ATAD2B: variants seen among roughly 807,000 people sequenced by gnomAD.
ATAD2B encodes the protein ATPase family AAA domain-containing protein 2B.
A neutral mutation model predicts 167.6 loss-of-function variants in ATAD2B; 40 were observed. The observed-to-expected ratio is 0.24, with a 90% CI of 0.19 to 0.31. ATAD2B has a LOEUF of 0.31. Among genes scored for constraint, ATAD2B ranks in the 10% least tolerant of loss-of-function variants. The probability of loss-of-function intolerance (pLI) is 1.00; values close to 1 mark genes in which losing one functional copy is unlikely to be tolerated. For synonymous variants in ATAD2B, 579 were observed against 596.5 expected (o/e 0.97, Z 0.43); for missense variants, 1,242 against 1,757.2 (o/e 0.71, Z 5.24).
At chr2:23,701,461 C>G in the ATAD2B span, among the ~76,000 whole-genome samples, 1 of 152,136 alleles carries the variant, frequency 6.6e-6, no homozygotes, top group Admixed American at 6.5e-5. Flanking sequence ...ATCTGTAATC[C>G]CAGCACTTTA....
chr2:23,779,431 T>A (rs1416794587), intron 22 of ATAD2B, among the ~76,000 whole-genome samples: 2 of 152,026 alleles, frequency 1.3e-5, no homozygotes, highest in Non-Finnish European at 2.9e-5. Context: ...CACCTCGGCC[T>A]CCCAAAGTGC....
chr2:23,690,682 C>T, the ATAD2B span: 2 of 152,362 alleles, frequency 1.3e-5, no homozygotes, highest in South Asian at 2.1e-4. Context: ...GCGGGGCCGC[C>T]TCCGGACTCC....
At chr2:23,693,642 G>A in the ATAD2B span, 2 of 1,136,604 alleles carry the variant, frequency 1.8e-6, no homozygotes. Context: ...CTCTCCCTAA[G>A]TGGCAGAGAG....
intron 1 of ATAD2B, among the ~76,000 whole-genome samples, chr2:23,916,829 G>C (rs1214916915): frequency 6.6e-6 from 1 of 152,142 alleles, no homozygotes; most frequent in Non-Finnish European, 1.5e-5. Flanking sequence ...GCAGCCCCTA[G>C]GCAGGCTGCT....
chr2:23,831,580 A>C (rs1689080173), intron 14 of ATAD2B, among the ~76,000 whole-genome samples: 1 of 152,110 alleles, frequency 6.6e-6, no homozygotes, highest in South Asian at 2.1e-4. Flanking sequence ...TCTGCTGATG[A>C]CCGTGCCTCC....
At chr2:23,835,237 C>T (rs1338660081) in intron 13 of ATAD2B, among the ~76,000 whole-genome samples, 2 of 152,192 alleles carry the variant, frequency 1.3e-5, no homozygotes, top group African/African-American at 2.4e-5. Flanking sequence ...CAACACTTTT[C>T]ATAATAGCCA....
At chr2:23,763,358 G>A (rs536711425) in intron 23 of ATAD2B, among the ~76,000 whole-genome samples, 1 of 152,288 alleles carries the variant, frequency 6.6e-6, no homozygotes, top group East Asian at 1.9e-4. Flanking sequence ...GCTTTACTGA[G>A]ATACAATTTA....
At chr2:23,920,483 T>C (rs1703746933) in intron 1 of ATAD2B, among the ~76,000 whole-genome samples, 1 of 152,230 alleles carries the variant, frequency 6.6e-6, no homozygotes, top group Admixed American at 6.5e-5. Flanking sequence ...ATGGGTCAGC[T>C]CCTTGAAATG....
intron 13 of ATAD2B, among the ~76,000 whole-genome samples, chr2:23,842,866 T>C (rs1691146505): frequency 6.6e-6 from 1 of 152,060 alleles, no homozygotes; most frequent in Non-Finnish European, 1.5e-5. Context: ...CTCAGAAAAT[T>C]GTCTCCTAAG....
At chr2:23,921,014 G>A (rs758676018) in intron 1 of ATAD2B, among the ~76,000 whole-genome samples, 5 of 152,004 alleles carry the variant, frequency 3.3e-5, no homozygotes, top group Non-Finnish European at 5.9e-5. Context: ...AGACCAGCCT[G>A]ACCAACATGA....
chr2:23,858,454 T>G (rs1200995193), intron 12 of ATAD2B, among the ~76,000 whole-genome samples: 1 of 151,524 alleles, frequency 6.6e-6, no homozygotes, highest in South Asian at 2.1e-4. Flanking sequence ...TGTATGTTGT[T>G]AAGTAATTTC....
intron 13 of ATAD2B, among the ~76,000 whole-genome samples, chr2:23,850,134 G>A (rs1369053106): frequency 1.3e-4 from 16 of 121,994 alleles, no homozygotes; most frequent in East Asian, 2.5e-4. Context: ...GCAAGACTCC[G>A]TCTCAAAAAA....
At chr2:23,761,202 A>C (rs543433179) in intron 24 of ATAD2B, among the ~76,000 whole-genome samples, 5 of 152,382 alleles carry the variant, frequency 3.3e-5, no homozygotes, top group African/African-American at 9.6e-5. Flanking sequence ...GGCATCATCG[A>C]GTCCTTTCTC....
At chr2:23,876,172 T>C (rs1280204652) in intron 7 of ATAD2B, among the ~76,000 whole-genome samples, 1 of 151,860 alleles carries the variant, frequency 6.6e-6, no homozygotes, top group Admixed American at 6.6e-5. Flanking sequence ...TTTTGTATTT[T>C]TAGTAGAGAC....
rs1373538367 is a variant in ATAD2B at position 23,754,722 on chromosome 2, C to A, written c.4131G>T (p.Thr1377=). Residue 1377 remains threonine (T), a synonymous_variant, in exon 26 of 28, where the codon ACG becomes ACT. Transcript: ENST00000238789. ...CTTCTGGAACCAGTTCCAGGCTTGTCGTTTTTGCCTGCTCTAAAATTAATT... is the reference window on the plus strand; with the variant it reads ...CTTCTGGAACCAGTTCCAGGCTTGTAGTTTTTGCCTGCTCTAAAATTAATT... ...YRKLILEQAK[T]TSLELVPEEP... is the part of the protein sequence containing the mutation. The A allele has an allele frequency of 6.8e-6, 11 of 1,612,746 alleles. No homozygotes were observed. Among genetic ancestry groups the A allele is most frequent in the Non-Finnish European group, 8.5e-6 (10 of 1,179,202 alleles).
intron 6 of ATAD2B, among the ~76,000 whole-genome samples, chr2:23,883,279 C>CAAA (rs56994882): frequency 2.2e-5 from 2 of 88,988 alleles, no homozygotes; most frequent in Non-Finnish European, 4.5e-5. Context: ...AAAACTGTCT[C>CAAA]AAAAAAAAAA....
downstream of ATAD2B, among the ~76,000 whole-genome samples, chr2:23,744,268 T>G (rs796633405): frequency 1.3e-4 from 19 of 150,882 alleles, 1 homozygote; most frequent in African/African-American, 3.9e-4. Context: ...TGAAAACAAT[T>G]GGCTCCTGGG....
rs1283016862 is a variant in ATAD2B, at chr2:23,878,010, C to CAAAAAAAAAAA, written c.902-2107_902-2106insTTTTTTTTTTT. ...ACTCCAGCCTGGATGACCCTATCTC[C>CAAAAAAAAAAA]AAAGAAAAAAAAAAAAAAAAAAAAA... On this transcript the variant is annotated intron_variant, in intron 7 of 27. Transcript: ENST00000238789. Among the ~76,000 whole-genome samples, 83 of 28,602 alleles carry CAAAAAAAAAAA rather than the reference C, an allele frequency of 2.9e-3. 23 individuals carry two copies. The highest frequency in any genetic ancestry group is 5.6e-3 in the African/African-American group (45 of 8,032). The allele number at this position is 28,602 out of a possible 152,430, so 18.8% of individuals were successfully genotyped here.
intron 2 of ATAD2B, among the ~76,000 whole-genome samples, chr2:23,890,802 T>A (rs1253895641): frequency 6.6e-6 from 1 of 152,164 alleles, no homozygotes; most frequent in Non-Finnish European, 1.5e-5. Context: ...AAAAGCACAA[T>A]AAGCTTTTTG....
Sources: gnomAD v4.1 joint callset for allele counts (sites outside exome capture counted in the v4.1 genomes callset) on GRCh38, gnomAD v4.1.1 for gene constraint, MANE v1.5 for transcripts, NCBI Gene and HGNC (gene_info 2026-07-23, HGNC 2026-07-21) for gene names.